Variants in DAPK1 observed in about 807,000 individuals in gnomAD.
DAPK1 encodes the protein death-associated protein kinase 1.
In DAPK1, 56 loss-of-function variants were observed where a neutral mutation model predicts 144.9. The ratio of observed to expected loss-of-function variants is 0.39; its 90% CI spans 0.31 to 0.48. The LOEUF (loss-of-function observed/expected upper bound fraction) is 0.48, where lower values mean the gene tolerates loss of function less well. DAPK1 is among the 20% of genes least tolerant of loss of function. The probability of loss-of-function intolerance (pLI) is 0.95; values close to 1 mark genes in which losing one functional copy is unlikely to be tolerated. For synonymous variants in DAPK1, 690 were observed against 749.0 expected (o/e 0.92, Z 1.29); for missense variants, 1,454 against 1,875.4 (o/e 0.78, Z 4.15).
At chr9:87,616,888 CAAGGG>C (rs2119018851) in intron 3 of DAPK1, among the ~76,000 whole-genome samples, 1 of 152,348 alleles carries the variant, frequency 6.6e-6, no homozygotes, top group South Asian at 2.1e-4. Flanking sequence ...GTCCTGTTTT[CAAGGG>C]AACCTTTTGA....
intron 2 of DAPK1, among the ~76,000 whole-genome samples, chr9:87,584,249 A>C (rs777321857): frequency 7.9e-5 from 12 of 152,194 alleles, no homozygotes; most frequent in Non-Finnish European, 1.6e-4. Flanking sequence ...ATTATTAACT[A>C]TAGTCACCAT....
intron 19 of DAPK1, among the ~76,000 whole-genome samples, chr9:87,681,194 C>T (rs1824602660): frequency 6.6e-6 from 1 of 151,944 alleles, no homozygotes; most frequent in South Asian, 2.1e-4. Flanking sequence ...AGGAGAATCG[C>T]TTGAACCCAG....
intron 3 of DAPK1, among the ~76,000 whole-genome samples, chr9:87,606,400 AAT>A (rs1365853540): frequency 2.0e-5 from 3 of 152,092 alleles, no homozygotes; most frequent in Non-Finnish European, 4.4e-5. Flanking sequence ...AGAATTTTTA[AAT>A]ACCTAACACT....
chr9:87,688,114 C>G (rs1320966971), intron 21 of DAPK1, among the ~76,000 whole-genome samples: 1 of 149,854 alleles, frequency 6.7e-6, no homozygotes, highest in Non-Finnish European at 1.5e-5. Flanking sequence ...CTAGTAGTCC[C>G]CAGTTACTAT....
rs1422981893 is a variant in DAPK1, at chr9:87,641,771, G to A, written c.829-198G>A. Among the ~76,000 whole-genome samples, 4 of 152,318 alleles carry A rather than the reference G, an allele frequency of 2.6e-5. No individual in the cohort carries two copies. In the South Asian group the frequency reaches 8.3e-4, roughly 32 times the overall value. On this transcript the variant is annotated intron_variant, in intron 9 of 25. Coordinates refer to ENST00000408954, the MANE Select transcript of DAPK1 (RefSeq NM_004938.4). ...CTACTTCTCCCCAGTGTCCATGGATGATACGAAACCCTGAGATAGAAGAGT... is the reference window on the plus strand; with the variant it reads ...CTACTTCTCCCCAGTGTCCATGGATAATACGAAACCCTGAGATAGAAGAGT...
intron 3 of DAPK1, among the ~76,000 whole-genome samples, chr9:87,628,456 A>G (rs1334818609): frequency 2.0e-5 from 3 of 152,166 alleles, no homozygotes; most frequent in African/African-American, 4.8e-5. Flanking sequence ...TGCAGAAAGG[A>G]ATGCCCTGTG....
At chr9:87,677,702 A>T (rs966594987) in intron 19 of DAPK1, among the ~76,000 whole-genome samples, 9 of 152,192 alleles carry the variant, frequency 5.9e-5, no homozygotes, top group Non-Finnish European at 4.4e-5. Flanking sequence ...GGAAGTTTGC[A>T]TCTACCCTGT....
intron 2 of DAPK1, among the ~76,000 whole-genome samples, chr9:87,584,789 G>T (rs2118848886): frequency 6.6e-6 from 1 of 152,184 alleles, no homozygotes; most frequent in South Asian, 2.1e-4. Context: ...TGATTCTCCT[G>T]CCTCAGCCTC....
At chr9:87,513,389 G>A (rs931389518) in intron 2 of DAPK1, among the ~76,000 whole-genome samples, 4 of 152,184 alleles carry the variant, frequency 2.6e-5, no homozygotes, top group African/African-American at 7.2e-5. Flanking sequence ...CAAGGAGAGC[G>A]TTTTGACTTG....
chr9:87,611,609 G>C (rs1241628192), intron 3 of DAPK1, among the ~76,000 whole-genome samples: 1 of 152,110 alleles, frequency 6.6e-6, no homozygotes, highest in East Asian at 1.9e-4. Context: ...CAGGTGTGTG[G>C]CACCACACTC....
intron 2 of DAPK1, among the ~76,000 whole-genome samples, chr9:87,578,462 A>G (rs1035731210): frequency 2.6e-5 from 4 of 152,058 alleles, no homozygotes; most frequent in African/African-American, 7.2e-5. Flanking sequence ...GCAATCTTTG[A>G]TTGCTTTTCT....
At chr9:87,625,553 C>G (rs1022119391) in intron 3 of DAPK1, among the ~76,000 whole-genome samples, 12 of 152,196 alleles carry the variant, frequency 7.9e-5, no homozygotes, top group African/African-American at 2.4e-4. Flanking sequence ...ACGCTGCCCT[C>G]GAGTAGCTCC....
intron 2 of DAPK1, among the ~76,000 whole-genome samples, chr9:87,551,151 ATT>A (rs56092300): frequency 0.23 from 34,302 of 147,886 alleles, 4,423 homozygotes; most frequent in Non-Finnish European, 0.31. Flanking sequence ...ATTAATTTGA[ATT>A]TTTTTTTTTT....
chr9:87,669,822 G>A (rs1254029277), intron 19 of DAPK1, among the ~76,000 whole-genome samples: 3 of 152,070 alleles, frequency 2.0e-5, no homozygotes, highest in African/African-American at 4.8e-5. Flanking sequence ...GACTTGGAGA[G>A]ACACACTTCA....
intron 2 of DAPK1, among the ~76,000 whole-genome samples, chr9:87,539,792 T>C (rs1369841550): frequency 6.6e-6 from 1 of 152,140 alleles, no homozygotes; most frequent in Non-Finnish European, 1.5e-5. Context: ...AAGCATCCTT[T>C]GTCCAGCTAT....
intron 21 of DAPK1, among the ~76,000 whole-genome samples, chr9:87,695,380 G>C (rs1825218864): frequency 6.6e-5 from 10 of 152,232 alleles, no homozygotes; most frequent in Admixed American, 6.5e-4. Flanking sequence ...TCCTGTAATG[G>C]AAGTGGCCCT....
intron 19 of DAPK1, among the ~76,000 whole-genome samples, chr9:87,678,520 C>A (rs1228744716): frequency 6.6e-6 from 1 of 152,190 alleles, no homozygotes; most frequent in African/African-American, 2.4e-5. Context: ...TCGGAGACAG[C>A]ACTCAGCAAA....
In DAPK1 at chr9:87,708,601, T is replaced by C. The variant is rs1377354061; in HGVS notation, c.*1237T>C. On this transcript the variant is annotated 3_prime_UTR_variant, in exon 26 of 26. Coordinates refer to ENST00000408954, the MANE Select transcript of DAPK1 (RefSeq NM_004938.4). ...CGTTAAAAAGTTGTTTGTTTTTTTC[T>C]TTTTTTATAAATAAACTGTTGCTCG... 1 of 152,574 alleles carries C rather than the reference T, an allele frequency of 6.6e-6. No individual in the cohort carries two copies. Among genetic ancestry groups the C allele is most frequent in the Non-Finnish European group, 1.5e-5 (1 of 68,022 alleles). The allele number at this position is 152,574 out of a possible 1,614,324, so 9.5% of individuals were successfully genotyped here.
intron 21 of DAPK1, among the ~76,000 whole-genome samples, chr9:87,693,876 GGTT>G (rs764447720): frequency 6.6e-6 from 1 of 152,158 alleles, no homozygotes; most frequent in Non-Finnish European, 1.5e-5. Flanking sequence ...CTTAGGGTAT[GGTT>G]GTTAGTGGAG....
Sources: allele counts gnomAD v4.1 joint callset (sites outside exome capture counted in the v4.1 genomes callset), GRCh38; gene constraint gnomAD v4.1.1; transcripts MANE v1.5; gene names NCBI Gene and HGNC (gene_info 2026-07-23, HGNC 2026-07-21).